The following SYNE2 variants were observed in gnomAD, a reference collection of about 807,000 sequenced individuals.
SYNE2 encodes the protein spectrin repeat containing nuclear envelope protein 2.
A neutral mutation model predicts 856.3 loss-of-function variants in SYNE2; 431 were observed. That is an observed-to-expected ratio of 0.50 (90% CI 0.47 to 0.55). The LOEUF (loss-of-function observed/expected upper bound fraction) is 0.55. Ranked by LOEUF, SYNE2 falls within the 20% of genes least tolerant of loss-of-function variation. SYNE2 has a pLI of 0.00. For synonymous variants in SYNE2, 2,923 were observed against 2,872.3 expected, an observed-to-expected ratio of 1.02 and a Z score of -0.56; for missense variants, 8,129 against 8,023.2, an observed-to-expected ratio of 1.01 and a Z score of -0.50.
chr14:63,935,010 C>T (rs2095812374), intron 2 of SYNE2, among the ~76,000 whole-genome samples: 2 of 151,294 alleles, frequency 1.3e-5, no homozygotes, highest in East Asian at 3.9e-4. Flanking sequence ...ATAAAATTAG[C>T]CTTTGATGCT....
intron 87 of SYNE2, among the ~76,000 whole-genome samples, chr14:64,160,135 A>T (rs758822291): frequency 6.6e-6 from 1 of 152,232 alleles, no homozygotes; most frequent in Non-Finnish European, 1.5e-5. Flanking sequence ...TATACCCTGC[A>T]GTGGTGCCCT....
At chr14:64,141,293 C>T in intron 80 of SYNE2, 48 bp from the exon 81 acceptor site, 1 of 1,495,300 alleles carries the variant, frequency 6.7e-7, no homozygotes, top group Non-Finnish European at 9.2e-7. Flanking sequence ...CTCTTACTTT[C>T]TGCTATATTT....
At chr14:63,763,338 G>T (rs1886559111) in intron 1 of SYNE2, among the ~76,000 whole-genome samples, 1 of 152,066 alleles carries the variant, frequency 6.6e-6, no homozygotes, top group African/African-American at 2.4e-5. Context: ...TAATGCCCAT[G>T]GTTTTTAGAT....
At chr14:64,223,043 G>A in intron 112 of SYNE2, 146 bp from the exon 113 acceptor site, 1 of 757,564 alleles carries the variant, frequency 1.3e-6, no homozygotes, top group East Asian at 2.8e-5. Flanking sequence ...GGAGGACACA[G>A]GCAGATATGA....
chr14:63,847,050 C>T (rs1024536882), intron 1 of SYNE2, among the ~76,000 whole-genome samples: 6 of 151,314 alleles, frequency 4.0e-5, no homozygotes, highest in African/African-American at 9.7e-5. Context: ...TTGAATTCCC[C>T]GGCTCAAGCG....
chr14:64,026,732 T>A lies in SYNE2; in HGVS notation c.6404+2T>A. 1.2e-6 allele frequency: 2 copies of A among 1,604,322 alleles called. No individual in the cohort carries two copies. The highest frequency in any genetic ancestry group is 1.7e-6 in the Non-Finnish European group (2 of 1,174,938). On this transcript the variant is annotated splice_donor_variant, in intron 42 of 115. Coordinates refer to ENST00000555002, the MANE Select transcript of SYNE2 (RefSeq NM_182914.3). LOFTEE classifies it high-confidence loss of function. ...CCATTTAGCTAGCACCTACCTAAGG[T>A]AAAGGGCATGCCTGCACCACTTGCA...
Position 63,942,789 on chromosome 14 carries a change from C to T in SYNE2, c.408+646C>T, listed in dbSNP as rs2095942864. On this transcript the variant is annotated intron_variant, in intron 6 of 115. Transcript: ENST00000555002. ...AGATTACAGGTGTGAGCCACCATGC[C>T]CGGCCTAATTTTTGTATATTTTGTA... is the stretch of plus-strand genomic sequence containing the variant. Among the ~76,000 whole-genome samples the T allele has an allele frequency of 5.3e-5, 8 of 152,226 alleles. No individual in the cohort carries two copies. In the South Asian group the frequency reaches 1.7e-3, roughly 32 times the overall value.
intron 73 of SYNE2, 60 bp from the exon 74 acceptor site, chr14:64,128,392 A>G: frequency 2.2e-6 from 2 of 905,158 alleles, no homozygotes; most frequent in Non-Finnish European, 1.8e-6. Flanking sequence ...CCAACTAAAT[A>G]TAAAAAAAGA....
chr14:64,225,223 C>A, intron 115 of SYNE2, 96 bp from the exon 116 acceptor site: 2 of 1,598,302 alleles, frequency 1.3e-6, no homozygotes, highest in Non-Finnish European at 1.7e-6. Flanking sequence ...AATCTCAGGT[C>A]TTGGATTTCT....
At chr14:63,868,015 A>C (rs1368674853) in intron 1 of SYNE2, among the ~76,000 whole-genome samples, 5 of 152,164 alleles carry the variant, frequency 3.3e-5, no homozygotes, top group Non-Finnish European at 1.5e-5. Context: ...ATGCCACTGC[A>C]CTCTAGCATG....
intron 57 of SYNE2, among the ~76,000 whole-genome samples, chr14:64,082,141 C>T (rs1026095468): frequency 1.3e-5 from 2 of 151,838 alleles, no homozygotes; most frequent in Non-Finnish European, 2.9e-5. Context: ...TGTTAGAATT[C>T]TAAGATGCCC....
Position 64,001,833 on chromosome 14 carries a change from A to G in SYNE2, c.3639-101A>G, listed in dbSNP as rs186434908. ...ATATCATTGTATGTCTGTTTATTGGATAATTATTTTCTGTTCTTAGTTCAG... is the reference window on the plus strand; with the variant it reads ...ATATCATTGTATGTCTGTTTATTGGGTAATTATTTTCTGTTCTTAGTTCAG... On this transcript the variant is annotated intron_variant, in intron 28 of 115. Transcript: ENST00000555002. The G allele has an allele frequency of 3.1e-6, 4 of 1,281,754 alleles. No homozygotes were observed. The Admixed American group carries it at 5.0e-5, about 16-fold the overall frequency. 79.4% of individuals were successfully genotyped at this position (1,281,754 alleles called of 1,614,324 possible).
At chr14:64,221,352 G>T (rs2098693077) in intron 111 of SYNE2, among the ~76,000 whole-genome samples, 1 of 152,168 alleles carries the variant, frequency 6.6e-6, no homozygotes, top group Non-Finnish European at 1.5e-5. Flanking sequence ...CTTCATAGTG[G>T]CACTTTTATT....
At chr14:64,049,977 A>G in intron 47 of SYNE2, 101 bp downstream of exon 47, 1 of 1,389,348 alleles carries the variant, frequency 7.2e-7, no homozygotes, top group African/African-American at 1.5e-5. Flanking sequence ...TGTGAAAGGA[A>G]ATTATGATTT....
At chr14:64,038,670 G>T (rs2097123338) in intron 45 of SYNE2, among the ~76,000 whole-genome samples, 1 of 152,214 alleles carries the variant, frequency 6.6e-6, no homozygotes, top group Non-Finnish European at 1.5e-5. Context: ...GCGAAACCCG[G>T]TCTCCATCAA....
intron 45 of SYNE2, among the ~76,000 whole-genome samples, chr14:64,047,014 T>C (rs2097191037): frequency 6.6e-6 from 1 of 152,226 alleles, no homozygotes; most frequent in Non-Finnish European, 1.5e-5. Flanking sequence ...GCAGTTGCCC[T>C]CCACCAGCAA....
intron 14 of SYNE2, among the ~76,000 whole-genome samples, chr14:63,980,191 CAG>C (rs1034815399): frequency 1.3e-5 from 2 of 152,052 alleles, no homozygotes; most frequent in African/African-American, 4.8e-5. Flanking sequence ...TTTTCCATAA[CAG>C]AATTTGGTTA....
At chr14:63,839,045 T>C (rs1889956201) in intron 1 of SYNE2, among the ~76,000 whole-genome samples, 1 of 152,166 alleles carries the variant, frequency 6.6e-6, no homozygotes, top group Admixed American at 6.5e-5. Context: ...TCTTCTTTTT[T>C]TTTTAGACGG....
At chr14:64,026,376 C>T (rs1197105066) in intron 41 of SYNE2, among the ~76,000 whole-genome samples, 2 of 151,978 alleles carry the variant, frequency 1.3e-5, no homozygotes, top group African/African-American at 4.8e-5. Context: ...GCAGTCAGCT[C>T]AAACTGACAA....
Sources: allele counts gnomAD v4.1 joint callset (sites outside exome capture counted in the v4.1 genomes callset), GRCh38; gene constraint gnomAD v4.1.1; transcripts MANE v1.5; gene names NCBI Gene and HGNC (gene_info 2026-07-23, HGNC 2026-07-21).